The following ARMC12 variants were observed in gnomAD, a reference collection of about 807,000 sequenced individuals.
ARMC12 encodes the protein armadillo repeat-containing protein 12.
ARMC12 carries 25 observed loss-of-function variants against 37.4 expected under a neutral mutation model. That is an observed-to-expected ratio of 0.67 (90% CI 0.49 to 0.93). ARMC12 has a LOEUF of 0.93. Among genes scored for constraint, ARMC12 ranks in the 40% least tolerant of loss-of-function variants. The pLI, the probability that ARMC12 is intolerant of heterozygous loss-of-function variation, is 0.00. For missense variants in ARMC12, 384 were observed against 426.6 expected, an observed-to-expected ratio of 0.90 and a Z score of 0.88; for synonymous variants, 167 against 176.1, an observed-to-expected ratio of 0.95 and a Z score of 0.41.
chr6:35,736,855 C>CT, upstream of ARMC12: 1 of 528,816 alleles, frequency 1.9e-6, no homozygotes, highest in Non-Finnish European at 3.4e-6. Flanking sequence ...AGTGATCTGC[C>CT]TGCCTTGGCC....
intron 3 of ARMC12, among the ~76,000 whole-genome samples, chr6:35,739,048 G>GTT (rs142623745): frequency 2.6e-5 from 4 of 151,924 alleles, no homozygotes; most frequent in Admixed American, 6.6e-5. Context: ...ACTATTACTG[G>GTT]TTTTTTATAT....
intron 3 of ARMC12, among the ~76,000 whole-genome samples, chr6:35,744,164 T>C: frequency 6.6e-6 from 1 of 152,104 alleles, no homozygotes; most frequent in Admixed American, 6.6e-5. Context: ...TGTTTTGAGA[T>C]GGAGTCTTGC....
At chr6:35,737,464 G>A in intron 1 of ARMC12, 193 bp downstream of exon 1, 1 of 1,502,052 alleles carries the variant, frequency 6.7e-7, no homozygotes, top group Non-Finnish European at 8.9e-7. Flanking sequence ...CAGGGTCCCT[G>A]GATCTCACTC....
At chr6:35,738,230 C>G (rs1767042242) in intron 2 of ARMC12, 58 bp downstream of exon 2, 2 of 1,583,290 alleles carry the variant, frequency 1.3e-6, no homozygotes, top group Non-Finnish European at 1.7e-6. Context: ...TACGGCCGAT[C>G]CCTGCCCCTG....
At chr6:35,732,820 G>A (rs1392342254), upstream of ARMC12, among the ~76,000 whole-genome samples, 1 of 152,206 alleles carries the variant, frequency 6.6e-6, no homozygotes, top group East Asian at 1.9e-4. Context: ...TTCAAAGATG[G>A]CTCCAGAGTC....
chr6:35,736,611 C>T (rs771828143), upstream of ARMC12, among the ~76,000 whole-genome samples: 17 of 151,788 alleles, frequency 1.1e-4, no homozygotes, highest in Non-Finnish European at 2.2e-4. Context: ...TAAAGCAGAA[C>T]CTTCTCTTTT....
At chr6:35,737,314 C>T (rs1483913353) in intron 1 of ARMC12, 43 bp downstream of exon 1, 2 of 1,614,114 alleles carry the variant, frequency 1.2e-6, no homozygotes, top group Non-Finnish European at 1.7e-6. Context: ...CCCCAGGAGG[C>T]ACCTGCTCCC....
chr6:35,748,879 A>C lies in ARMC12; in HGVS notation c.*9A>C, dbSNP rs371981225. The C allele has an allele frequency of 2.5e-6, 4 of 1,602,010 alleles. No homozygotes were observed. Among genetic ancestry groups the C allele is most frequent in the Non-Finnish European group, 3.4e-6 (4 of 1,173,980 alleles). On this transcript the variant is annotated 3_prime_UTR_variant, in exon 6 of 6. Transcript: ENST00000373866. ...TTAAAAACACGGAATAAAATTAAGG[A>C]GAGCCAATAAATGAGTATAGGAGAG... is the stretch of plus-strand genomic sequence containing the variant.
At chr6:35,732,685 G>A (rs2151029913), upstream of ARMC12, among the ~76,000 whole-genome samples, 2 of 152,330 alleles carry the variant, frequency 1.3e-5, no homozygotes, top group Middle Eastern at 6.8e-3. Context: ...CCATTGCCAG[G>A]ATACTGGTAA....
In ARMC12 at chr6:35,737,272, G is replaced by A. The variant is rs569180354; in HGVS notation, c.163+1G>A. On this transcript the variant is annotated splice_donor_variant, in intron 1 of 5. Transcript: ENST00000373866. LOFTEE classifies it high-confidence loss of function. ...AGCAACTCACCCATCTGCATCGCCC[G>A]TGAGTGTCCGGGCCCTGGGGAGAGG... 9.7e-5 allele frequency: 156 copies of A among 1,614,244 alleles called. No individual in the cohort carries two copies. Among genetic ancestry groups the A allele is most frequent in the Non-Finnish European group, 1.3e-4 (148 of 1,180,044 alleles).
upstream of ARMC12, chr6:35,736,829 C>T (rs193055735): frequency 1.5e-3 from 669 of 459,974 alleles, 6 homozygotes; most frequent in East Asian, 0.019. Flanking sequence ...AGGCTGGTCT[C>T]GAACTGCTGA....
At chr6:35,738,282 G>GC (rs1377990052) in intron 2 of ARMC12, 102 bp from the exon 3 acceptor site, 12 of 1,212,666 alleles carry the variant, frequency 9.9e-6, no homozygotes, top group Non-Finnish European at 1.3e-5. Context: ...CTGGCTGATA[G>GC]CGGTGGGGGG....
intron 3 of ARMC12, among the ~76,000 whole-genome samples, chr6:35,743,668 C>T (rs1767245763): frequency 6.6e-6 from 1 of 151,454 alleles, no homozygotes; most frequent in Admixed American, 6.6e-5. Context: ...TATATTCTAA[C>T]AGGGCAAGGC....
At chr6:35,738,292 G>GGGT (rs1275723443) in intron 2 of ARMC12, 92 bp from the exon 3 acceptor site, 5 of 1,430,160 alleles carry the variant, frequency 3.5e-6, no homozygotes, top group Non-Finnish European at 4.7e-6. Flanking sequence ...GCGGTGGGGG[G>GGGT]GGGGTGTGCG....
intron 3 of ARMC12, among the ~76,000 whole-genome samples, chr6:35,739,943 C>T (rs1301749625): frequency 2.0e-5 from 3 of 152,214 alleles, no homozygotes; most frequent in Non-Finnish European, 4.4e-5. Context: ...TCTAATCATG[C>T]TTTGGTCTTT....
the ARMC12 span, among the ~76,000 whole-genome samples, chr6:35,731,920 GA>G: frequency 6.6e-6 from 1 of 152,190 alleles, no homozygotes; most frequent in Non-Finnish European, 1.5e-5. Flanking sequence ...GCGCGGGAGA[GA>G]AAGAGTTAAA....
chr6:35,734,691 A>G (rs1469794902), upstream of ARMC12, among the ~76,000 whole-genome samples: 1 of 152,046 alleles, frequency 6.6e-6, no homozygotes, highest in Non-Finnish European at 1.5e-5. Context: ...AGTCCCAGCT[A>G]CTTGGGAGGC....
At chr6:35,736,617 C>CA (rs1561917437), upstream of ARMC12, among the ~76,000 whole-genome samples, 1 of 147,640 alleles carries the variant, frequency 6.8e-6, no homozygotes, top group African/African-American at 2.5e-5. Context: ...AGAACCTTCT[C>CA]TTTTTTTTTT....
chr6:35,746,611 G>C (rs979987161), intron 3 of ARMC12, among the ~76,000 whole-genome samples: 63 of 152,282 alleles, frequency 4.1e-4, no homozygotes, highest in African/African-American at 1.4e-3. Flanking sequence ...GCTTGAAAGA[G>C]GGTGGTAAGA....
Sources: allele counts gnomAD v4.1 joint callset (sites outside exome capture counted in the v4.1 genomes callset), GRCh38; gene constraint gnomAD v4.1.1; transcripts MANE v1.5; gene names NCBI Gene and HGNC (gene_info 2026-07-23, HGNC 2026-07-21).